NUTM2B: variants seen among roughly 807,000 people sequenced by gnomAD.
NUTM2B encodes the protein NUT family member 2B, also known as family with sequence similarity 22, member B.
NUTM2B carries 2 observed loss-of-function variants against 42.4 expected under a neutral mutation model. The observed-to-expected ratio is 0.05, with a 90% CI of 0.02 to 0.15. The LOEUF is 0.15. Ranked by LOEUF, NUTM2B falls within the 10% of genes least tolerant of loss-of-function variation. NUTM2B has a pLI of 1.00. For synonymous variants in NUTM2B, 18 were observed against 402.4 expected, an observed-to-expected ratio of 0.04 and a Z score of 11.43; for missense variants, 58 against 952.6, an observed-to-expected ratio of 0.06 and a Z score of 12.36.
At chr10:79,701,113 A>C (rs946768815), upstream of NUTM2B, among the ~76,000 whole-genome samples, 11 of 152,036 alleles carry the variant, frequency 7.2e-5, no homozygotes, top group African/African-American at 2.7e-4. Context: ...GATGGCATTG[A>C]TTTCATTCCT....
chr10:79,700,571 C>T (rs886678052), upstream of NUTM2B, among the ~76,000 whole-genome samples: 3 of 152,124 alleles, frequency 2.0e-5, no homozygotes, highest in Non-Finnish European at 4.4e-5. Context: ...AATGTGGGGT[C>T]GCCCCGTGGA....
chr10:79,702,316 G>T (rs1468843710), upstream of NUTM2B, among the ~76,000 whole-genome samples: 1 of 151,904 alleles, frequency 6.6e-6, no homozygotes, highest in Non-Finnish European at 1.5e-5. Flanking sequence ...TCCCCTCCCA[G>T]TGGCCACTGT....
At chr10:79,709,381 T>C (rs1428248292) in intron 3 of NUTM2B, among the ~76,000 whole-genome samples, 1 of 135,536 alleles carries the variant, frequency 7.4e-6, no homozygotes. Flanking sequence ...CAGCTTTTGC[T>C]TCCTCCTGAC....
chr10:79,698,850 C>T (rs573481038), upstream of NUTM2B, among the ~76,000 whole-genome samples: 5 of 151,076 alleles, frequency 3.3e-5, no homozygotes, highest in Middle Eastern at 0.01. Flanking sequence ...TAAATATACC[C>T]GCGATTAACT....
the NUTM2B span, among the ~76,000 whole-genome samples, chr10:79,696,475 A>G: frequency 3.3e-3 from 501 of 151,168 alleles, no homozygotes; most frequent in Middle Eastern, 0.017. Context: ...CCAGAACACA[A>G]CCTCCTCATA....
the NUTM2B span, among the ~76,000 whole-genome samples, chr10:79,696,899 A>C: frequency 2.8e-5 from 4 of 145,386 alleles, no homozygotes; most frequent in Non-Finnish European, 4.5e-5. Context: ...AGTGTCAGTC[A>C]ATGCTGTCTC....
At chr10:79,709,758 C>T (rs754053118) in intron 3 of NUTM2B, 42 bp from the exon 4 acceptor site, 1 of 591,096 alleles carries the variant, frequency 1.7e-6, no homozygotes, top group Admixed American at 3.7e-5. Flanking sequence ...GGGGAGGGGG[C>T]CTGGACCCTC....
At chr10:79,692,951 T>C in the NUTM2B span, among the ~76,000 whole-genome samples, 2 of 152,284 alleles carry the variant, frequency 1.3e-5, no homozygotes, top group African/African-American at 4.8e-5. Context: ...TCCCCCAGTG[T>C]TCCCTACTTA....
chr10:79,694,426 A>T, the NUTM2B span, among the ~76,000 whole-genome samples: 1 of 152,064 alleles, frequency 6.6e-6, no homozygotes, highest in East Asian at 1.9e-4. Context: ...AGAAAAGGAA[A>T]AAAAAGAAAC....
At chr10:79,702,397 G>A (rs1257894352), upstream of NUTM2B, among the ~76,000 whole-genome samples, 12 of 149,590 alleles carry the variant, frequency 8.0e-5, no homozygotes, top group Non-Finnish European at 1.3e-4. Flanking sequence ...GAACTCATGG[G>A]GATATTGGAC....
upstream of NUTM2B, among the ~76,000 whole-genome samples, chr10:79,700,848 A>C (rs1486639500): frequency 6.6e-6 from 1 of 152,186 alleles, no homozygotes; most frequent in Non-Finnish European, 1.5e-5. Context: ...CCGCCCTAGG[A>C]GGGCCCCGCT....
chr10:79,698,254 A>G (rs1014663695), upstream of NUTM2B, among the ~76,000 whole-genome samples: 6 of 151,774 alleles, frequency 4.0e-5, no homozygotes, highest in Non-Finnish European at 8.8e-5. Context: ...AACTCACACA[A>G]ATATCCCCAA....
At chr10:79,697,414 AT>A in the NUTM2B span, among the ~76,000 whole-genome samples, 1 of 152,128 alleles carries the variant, frequency 6.6e-6, no homozygotes, top group Non-Finnish European at 1.5e-5. Flanking sequence ...TGTCACCTGA[AT>A]CAAGGGTTAC....
At chr10:79,694,052 C>T in the NUTM2B span, among the ~76,000 whole-genome samples, 3 of 152,272 alleles carry the variant, frequency 2.0e-5, no homozygotes, top group East Asian at 5.8e-4. Flanking sequence ...CTCTGCTGGG[C>T]TTGTGGCCCC....
the NUTM2B span, among the ~76,000 whole-genome samples, chr10:79,694,155 T>C: frequency 6.6e-6 from 1 of 152,138 alleles, no homozygotes; most frequent in South Asian, 2.1e-4. Flanking sequence ...CCCAGCACTT[T>C]GGGAGGCCGA....
chr10:79,705,674 A>T (rs1302503623), intron 1 of NUTM2B, among the ~76,000 whole-genome samples: 2 of 140,614 alleles, frequency 1.4e-5, no homozygotes, highest in Admixed American at 7.3e-5. Flanking sequence ...TAGGCCCCTC[A>T]CCTGTTGCTG....
chr10:79,709,662 CTG>C (rs1366924881), intron 3 of NUTM2B, 136 bp from the exon 4 acceptor site: 1 of 1,284,830 alleles, frequency 7.8e-7, no homozygotes, highest in African/African-American at 1.7e-5. Flanking sequence ...TCTCCTGGGA[CTG>C]GGGGATGGGA....
At chr10:79,695,692 G>C in the NUTM2B span, among the ~76,000 whole-genome samples, 4 of 151,970 alleles carry the variant, frequency 2.6e-5, no homozygotes, top group African/African-American at 7.2e-5. Flanking sequence ...GAATCAGCAG[G>C]GACATCAGGA....
At chr10:79,700,193 G>A (rs1214699345), upstream of NUTM2B, among the ~76,000 whole-genome samples, 2 of 152,396 alleles carry the variant, frequency 1.3e-5, no homozygotes, top group Non-Finnish European at 2.9e-5. Flanking sequence ...TCCTATCAGT[G>A]ACAAATCAGC....
Sources: allele counts gnomAD v4.1 joint callset (sites outside exome capture counted in the v4.1 genomes callset), GRCh38; gene constraint gnomAD v4.1.1; transcripts MANE v1.5; gene names NCBI Gene and HGNC (gene_info 2026-07-23, HGNC 2026-07-21).